The following DLC1 variants were observed in gnomAD, a reference collection of about 807,000 sequenced individuals.
DLC1 encodes the protein DLC1 Rho GTPase activating protein, also known as rho GTPase-activating protein 7.
DLC1 carries 54 observed loss-of-function variants against 140.3 expected under a neutral mutation model. The ratio of observed to expected loss-of-function variants is 0.38; its 90% CI spans 0.31 to 0.48. The LOEUF is 0.48. Ranked by LOEUF, DLC1 falls within the 20% of genes least tolerant of loss-of-function variation. The pLI is 0.96. For missense variants in DLC1, 2,536 were observed against 1,907.0 expected (o/e 1.33, Z -6.14); for synonymous variants, 986 against 728.1 (o/e 1.35, Z -5.70).
At chr8:13,450,727 C>G (rs1476230624) in intron 2 of DLC1, among the ~76,000 whole-genome samples, 2 of 152,060 alleles carry the variant, frequency 1.3e-5, no homozygotes, top group East Asian at 3.9e-4. Flanking sequence ...TTCTCCAAAT[C>G]AAATTGTCAT....
At chr8:13,393,126 G>T (rs538924113) in intron 4 of DLC1, among the ~76,000 whole-genome samples, 1 of 148,476 alleles carries the variant, frequency 6.7e-6, no homozygotes, top group South Asian at 2.1e-4. Context: ...CAATCAATCA[G>T]TCTATCTGTC....
chr8:13,464,124 G>A (rs2117036716), intron 2 of DLC1, among the ~76,000 whole-genome samples: 1 of 152,278 alleles, frequency 6.6e-6, no homozygotes, highest in South Asian at 2.1e-4. Flanking sequence ...GGATTTCTTG[G>A]AGGACACAGA....
At chr8:13,446,054 C>T (rs941437612) in intron 2 of DLC1, among the ~76,000 whole-genome samples, 1 of 152,128 alleles carries the variant, frequency 6.6e-6, no homozygotes, top group Non-Finnish European at 1.5e-5. Context: ...ACGGTTGCTA[C>T]CTGAACAGTG....
At position 13,103,324 on chromosome 8, in the gene DLC1, A is replaced by G. The variant is rs1016008076; in HGVS notation, c.1503-471T>C. On this transcript the variant is annotated intron_variant, in intron 7 of 17. Coordinates refer to ENST00000276297, the MANE Select transcript of DLC1 (RefSeq NM_182643.3). The stretch of plus-strand genomic sequence containing the variant: ...AGACTCCTTCTCAAAATAAATAAAT[A>G]AATAAATAAATAAATAAATAAATAA... Among the ~76,000 whole-genome samples the G allele has an allele frequency of 7.9e-5, 11 of 138,456 alleles. No individual in the cohort carries two copies. The South Asian group carries it at 2.3e-3, about 29-fold the overall frequency. The allele number at this position is 138,456 out of a possible 152,430, so 90.8% of individuals were successfully genotyped here. A position where few individuals can be genotyped will look rare whatever the true frequency, so the allele number is the denominator to read the frequency against.
chr8:13,099,327 G>A lies in DLC1; in HGVS notation c.2990+20C>T, dbSNP rs113086450. 1.8e-3 allele frequency: 2,930 copies of A among 1,603,192 alleles called. 49 individuals carry two copies. The African/African-American group carries it at 0.033, about 18-fold the overall frequency. On this transcript the variant is annotated intron_variant, in intron 9 of 17. Transcript: ENST00000276297. ...TGACCCCCAGTGCCCCACACCCGGA[G>A]GCAGGAGAAAAGTTCTTACCTGTTG...
intron 5 of DLC1, among the ~76,000 whole-genome samples, chr8:13,178,271 A>G (rs1364810493): frequency 6.6e-6 from 1 of 152,170 alleles, no homozygotes; most frequent in Non-Finnish European, 1.5e-5. Flanking sequence ...ACTATGATAC[A>G]AGAAAAATAG....
At chr8:13,322,608 T>G (rs909828088) in intron 4 of DLC1, among the ~76,000 whole-genome samples, 4 of 152,226 alleles carry the variant, frequency 2.6e-5, no homozygotes, top group Admixed American at 2.6e-4. Flanking sequence ...TTATAAAGTT[T>G]TAGCTTATCT....
intron 5 of DLC1, among the ~76,000 whole-genome samples, chr8:13,266,280 G>A (rs965217563): frequency 6.6e-6 from 1 of 152,212 alleles, no homozygotes; most frequent in African/African-American, 2.4e-5. Flanking sequence ...GAAGCATTCT[G>A]GGTTGTGATG....
At chr8:13,469,848 G>A (rs1177744365) in intron 2 of DLC1, among the ~76,000 whole-genome samples, 1 of 152,142 alleles carries the variant, frequency 6.6e-6, no homozygotes, top group Non-Finnish European at 1.5e-5. Flanking sequence ...GAGATTTCCT[G>A]AAGAGAAAGC....
intron 5 of DLC1, among the ~76,000 whole-genome samples, chr8:13,121,435 C>T (rs966881682): frequency 6.6e-6 from 1 of 152,130 alleles, no homozygotes; most frequent in African/African-American, 2.4e-5. Flanking sequence ...TGGGTGGGTT[C>T]CAGAGGGCGT....
intron 4 of DLC1, among the ~76,000 whole-genome samples, chr8:13,319,819 C>CTTTTTT (rs547737556): frequency 0.24 from 17,802 of 74,490 alleles, 4,491 homozygotes; most frequent in East Asian, 0.29. Flanking sequence ...TTCTCTCTCT[C>CTTTTTT]TCTTTTTTTT....
At chr8:13,525,997 TA>T (rs1802911547) in intron 1 of DLC1, among the ~76,000 whole-genome samples, 1 of 152,132 alleles carries the variant, frequency 6.6e-6, no homozygotes, top group East Asian at 1.9e-4. Flanking sequence ...GATAATTTTT[TA>T]TATGGTGAAA....
chr8:13,592,850 G>A (rs1163530056), intron 1 of DLC1, among the ~76,000 whole-genome samples: 1 of 152,060 alleles, frequency 6.6e-6, no homozygotes, highest in Admixed American at 6.6e-5. Context: ...CACACATTTT[G>A]CCATGTTAGC....
intron 4 of DLC1, among the ~76,000 whole-genome samples, chr8:13,321,561 AAAAAAG>A (rs1350655501): frequency 0.47 from 37,559 of 80,038 alleles, 9,930 homozygotes; most frequent in Non-Finnish European, 0.6. Flanking sequence ...AAAAAAAAAA[AAAAAAG>A]AAACCTAAAC....
In DLC1 at chr8:13,398,477, G is replaced by A. The variant is rs140550330; in HGVS notation, c.1173+2993C>T. Reference sequence around the variant, plus strand: ...GAGCAATAGCCAATAATTAAATCAAGAAAGAGGCTGAGTATGATGGCTCAT... The same window carrying A: ...GAGCAATAGCCAATAATTAAATCAAAAAAGAGGCTGAGTATGATGGCTCAT... On this transcript the variant is annotated intron_variant, in intron 3 of 17. Transcript: ENST00000276297. Among the ~76,000 whole-genome samples the A allele has an allele frequency of 6.6e-3, 1,005 of 151,942 alleles. 3 individuals are homozygous for A. The highest frequency in any genetic ancestry group is 9.3e-3 in the Non-Finnish European group (634 of 67,926).
chr8:13,201,888 T>C (rs957645290), intron 5 of DLC1, among the ~76,000 whole-genome samples: 27 of 151,832 alleles, frequency 1.8e-4, no homozygotes, highest in African/African-American at 6.3e-4. Flanking sequence ...CAGATTATTT[T>C]CTCCCCCAGG....
At chr8:13,561,879 T>A (rs1804256292) in intron 1 of DLC1, among the ~76,000 whole-genome samples, 1 of 152,098 alleles carries the variant, frequency 6.6e-6, no homozygotes, top group Non-Finnish European at 1.5e-5. Flanking sequence ...GTCAAAGAAA[T>A]TAGATATCAA....
chr8:13,271,783 C>G (rs1830939983), intron 5 of DLC1, among the ~76,000 whole-genome samples: 1 of 152,178 alleles, frequency 6.6e-6, no homozygotes, highest in African/African-American at 2.4e-5. Flanking sequence ...CTCCTGGGCT[C>G]AAGTGATTCT....
At chr8:13,448,997 C>G (rs1798923545) in intron 2 of DLC1, among the ~76,000 whole-genome samples, 1 of 152,056 alleles carries the variant, frequency 6.6e-6, no homozygotes, top group Non-Finnish European at 1.5e-5. Context: ...ACAGGAGAAA[C>G]TCTGTCAGCT....
Sources: gnomAD v4.1 joint callset for allele counts (sites outside exome capture counted in the v4.1 genomes callset) on GRCh38, gnomAD v4.1.1 for gene constraint, MANE v1.5 for transcripts, NCBI Gene and HGNC (gene_info 2026-07-23, HGNC 2026-07-21) for gene names.